The following RERE variants were observed in gnomAD, a reference collection of about 807,000 sequenced individuals.
RERE encodes the protein arginine-glutamic acid dipeptide repeats.
RERE carries 40 observed loss-of-function variants against 146.1 expected under a neutral mutation model. The ratio of observed to expected loss-of-function variants is 0.27; its 90% CI spans 0.21 to 0.36. The LOEUF is 0.36. Among genes scored for constraint, RERE ranks in the 10% least tolerant of loss-of-function variants. The pLI is 1.00. For synonymous variants in RERE, 1,003 were observed against 866.0 expected (o/e 1.16, Z -2.78); for missense variants, 1,933 against 2,138.7 (o/e 0.90, Z 1.90).
At chr1:8,492,012 A>AT in intron 10 of RERE, among the ~76,000 whole-genome samples, 1 of 152,338 alleles carries the variant, frequency 6.6e-6, no homozygotes, top group African/African-American at 2.4e-5. Context: ...ATTTTCATTC[A>AT]TTTTTCATTA....
Position 8,656,259 on chromosome 1 carries a change from CTT to C in RERE, c.37_38del (p.Lys13GlyfsTer20), listed in dbSNP as rs758241697. 8.7e-6 allele frequency: 14 copies of C among 1,612,490 alleles called. No homozygotes were observed. The highest frequency in any genetic ancestry group is 1.2e-5 in the Non-Finnish European group (14 of 1,178,878). On this transcript the variant is annotated frameshift_variant, in exon 2 of 23. Transcript: ENST00000400908. LOFTEE classifies it high-confidence loss of function. Reference sequence around the variant, plus strand: ...CTCGGTCCCGGTCTCGGTCCCGGTCCTTCTCTTTGTCTTTGTCTTTGTCTTTG... The same window carrying C: ...CTCGGTCCCGGTCTCGGTCCCGGTCCCTCTTTGTCTTTGTCTTTGTCTTTG... ...ADKDKDKDKEKDRDRDRDRER... is the reference protein window; with the variant it reads ...ADKDKDKDKEXDRDRDRDRER...
chr1:8,443,463 A>G (rs1486872552), intron 11 of RERE, among the ~76,000 whole-genome samples: 1 of 149,204 alleles, frequency 6.7e-6, no homozygotes, highest in Non-Finnish European at 1.5e-5. Flanking sequence ...AAAAAAGAAA[A>G]AAAAAAAAAA....
chr1:8,789,301 AAT>A (rs1553149622), intron 1 of RERE, among the ~76,000 whole-genome samples: 13 of 24,812 alleles, frequency 5.2e-4, no homozygotes, highest in South Asian at 1.4e-3. Flanking sequence ...AAAAAAAAAA[AAT>A]ATATATATAT....
At chr1:8,538,552 A>G (rs989882716) in intron 7 of RERE, among the ~76,000 whole-genome samples, 3 of 152,252 alleles carry the variant, frequency 2.0e-5, no homozygotes, top group Non-Finnish European at 2.9e-5. Context: ...AATGTTCGGG[A>G]TAACACCAGC....
intron 10 of RERE, among the ~76,000 whole-genome samples, chr1:8,479,094 A>C (rs898175451): frequency 6.6e-6 from 1 of 152,114 alleles, no homozygotes; most frequent in Admixed American, 6.5e-5. Flanking sequence ...ACTTTAAATA[A>C]GTCATAACAG....
Position 8,456,723 on chromosome 1 carries a change from C to T in RERE, c.1203+9202G>A, listed in dbSNP as rs533707952. Among the ~76,000 whole-genome samples, 7 of 152,314 alleles carry T rather than the reference C, an allele frequency of 4.6e-5. No individual in the cohort carries two copies. In the South Asian group the frequency reaches 1.2e-3, roughly 27 times the overall value. On this transcript the variant is annotated intron_variant, in intron 11 of 22. Transcript: ENST00000400908. Reference sequence around the variant, plus strand: ...CGGGGCATCTTTGCTCTTCCTGGAACACACTCAGGCATGCTCCCACCTCAG... The same window carrying T: ...CGGGGCATCTTTGCTCTTCCTGGAATACACTCAGGCATGCTCCCACCTCAG...
intron 4 of RERE, among the ~76,000 whole-genome samples, chr1:8,579,611 G>A (rs1646339085): frequency 6.6e-6 from 1 of 152,214 alleles, no homozygotes; most frequent in South Asian, 2.1e-4. Context: ...CATTAATAAA[G>A]AAATCATTAT....
intron 6 of RERE, among the ~76,000 whole-genome samples, chr1:8,551,530 T>C (rs1016551087): frequency 6.6e-6 from 1 of 152,202 alleles, no homozygotes; most frequent in African/African-American, 2.4e-5. Flanking sequence ...GTAAAATAAG[T>C]GTATGCTGAG....
At chr1:8,608,360 A>G (rs1389447659) in intron 4 of RERE, among the ~76,000 whole-genome samples, 1 of 152,062 alleles carries the variant, frequency 6.6e-6, no homozygotes, top group East Asian at 1.9e-4. Flanking sequence ...AAAATTTTTA[A>G]ATTTTAGGTA....
chr1:8,393,753 T>A (rs1043265312), intron 12 of RERE, among the ~76,000 whole-genome samples: 1 of 152,174 alleles, frequency 6.6e-6, no homozygotes, highest in Non-Finnish European at 1.5e-5. Context: ...ACAATTTACA[T>A]GAATGAAAGT....
intron 12 of RERE, among the ~76,000 whole-genome samples, chr1:8,383,325 C>T (rs755321712): frequency 5.3e-5 from 8 of 151,336 alleles, no homozygotes; most frequent in East Asian, 1.9e-4. Context: ...AACAGAATGA[C>T]GCCACACAAG....
intron 12 of RERE, among the ~76,000 whole-genome samples, chr1:8,418,047 A>ACCAGGG (rs1399344097): frequency 3.9e-5 from 6 of 152,090 alleles, no homozygotes; most frequent in Non-Finnish European, 4.4e-5. Context: ...ACCTCCACCC[A>ACCAGGG]CCAGGGCCCT....
At chr1:8,577,201 C>T (rs1646306972) in intron 4 of RERE, among the ~76,000 whole-genome samples, 1 of 151,652 alleles carries the variant, frequency 6.6e-6, no homozygotes, top group Non-Finnish European at 1.5e-5. Flanking sequence ...TTTCATATGA[C>T]TTTTGAATTT....
chr1:8,525,279 A>G (rs1048919445), intron 7 of RERE, among the ~76,000 whole-genome samples: 1 of 152,238 alleles, frequency 6.6e-6, no homozygotes, highest in African/African-American at 2.4e-5. Flanking sequence ...ACAGGCTCTC[A>G]ATCAAAACAA....
chr1:8,413,583 A>G (rs544600105), intron 12 of RERE, among the ~76,000 whole-genome samples: 1 of 152,132 alleles, frequency 6.6e-6, no homozygotes, highest in Non-Finnish European at 1.5e-5. Context: ...GGCTCAAGTG[A>G]TCCTCCCACC....
At chr1:8,525,188 T>C (rs574013738) in intron 7 of RERE, among the ~76,000 whole-genome samples, 1 of 152,378 alleles carries the variant, frequency 6.6e-6, no homozygotes, top group East Asian at 1.9e-4. Flanking sequence ...GGTGTTATTG[T>C]TGCAATCATA....
At chr1:8,691,944 T>C (rs1278621349) in intron 1 of RERE, among the ~76,000 whole-genome samples, 1 of 152,198 alleles carries the variant, frequency 6.6e-6, no homozygotes, top group Non-Finnish European at 1.5e-5. Context: ...GCTGCAATTA[T>C]TACTGGATAT....
intron 11 of RERE, among the ~76,000 whole-genome samples, chr1:8,463,738 G>A (rs1426283306): frequency 6.6e-6 from 1 of 152,190 alleles, no homozygotes; most frequent in East Asian, 1.9e-4. Context: ...GCAGGGAAGT[G>A]GGGAAGGAGA....
At chr1:8,357,521 C>T (rs943402592) in intron 20 of RERE, among the ~76,000 whole-genome samples, 3 of 152,200 alleles carry the variant, frequency 2.0e-5, no homozygotes, top group Non-Finnish European at 4.4e-5. Flanking sequence ...AGGACCTGTA[C>T]TCCAAGTCCC....
Sources: allele counts gnomAD v4.1 joint callset (sites outside exome capture counted in the v4.1 genomes callset), GRCh38; gene constraint gnomAD v4.1.1; transcripts MANE v1.5; gene names NCBI Gene and HGNC (gene_info 2026-07-23, HGNC 2026-07-21).